SNW1: variants seen among roughly 807,000 people sequenced by gnomAD.
SNW1 encodes SNW domain containing 1.
A neutral mutation model predicts 75.6 loss-of-function variants in SNW1; 9 were observed. The observed-to-expected ratio is 0.12, with a 90% CI of 0.07 to 0.21. The LOEUF is 0.21. Ranked by LOEUF, SNW1 falls within the 10% of genes least tolerant of loss-of-function variation. The pLI, the probability that SNW1 is intolerant of heterozygous loss-of-function variation, is 1.00. For missense variants in SNW1, 409 were observed against 670.9 expected (o/e 0.61, Z 4.31); for synonymous variants, 200 against 219.1 (o/e 0.91, Z 0.77).
chr14:77,736,889 C>T, intron 6 of SNW1, 82 bp downstream of exon 6: 6 of 1,016,910 alleles, frequency 5.9e-6, no homozygotes, highest in Non-Finnish European at 9.3e-6. Flanking sequence ...CTTGTTTTTG[C>T]CTGGCTTCTT....
At position 77,718,483 on chromosome 14, in the gene SNW1, A is replaced by C. The variant is rs1399571841; in HGVS notation, c.1296T>G (p.Val432=). The C allele has an allele frequency of 1.2e-6, 2 of 1,613,826 alleles. No individual in the cohort carries two copies. The highest frequency in any genetic ancestry group is 1.7e-6 in the Non-Finnish European group (2 of 1,179,832). The change falls in exon 13 of 14, where the codon GTT becomes GTG. Residue 432 remains valine (V), a synonymous_variant. Coordinates refer to ENST00000261531, the MANE Select transcript of SNW1 (RefSeq NM_012245.3). ...TACCACCTCTCCAGGCTTGATCATA[A>C]ACATTATAAATTTCATCTTCTCCAC... ...FAGGEDEIYN[V]YDQAWRGGKD...
intron 8 of SNW1, among the ~76,000 whole-genome samples, chr14:77,733,282 G>A (rs1253266942): frequency 2.6e-5 from 4 of 152,098 alleles, no homozygotes; most frequent in South Asian, 2.1e-4. Flanking sequence ...AATAATTGTC[G>A]ATTTTAATAA....
intron 3 of SNW1, among the ~76,000 whole-genome samples, chr14:77,743,128 G>C (rs2080731979): frequency 6.6e-6 from 1 of 151,944 alleles, no homozygotes; most frequent in Non-Finnish European, 1.5e-5. Flanking sequence ...AGGAGGCTGA[G>C]GCAGGAGAAT....
chr14:77,726,682 T>C (rs754292972), intron 10 of SNW1, among the ~76,000 whole-genome samples: 79 of 152,140 alleles, frequency 5.2e-4, no homozygotes, highest in East Asian at 5.8e-4. Context: ...GGCGTGGTGG[T>C]GTGCGCCTGT....
At chr14:77,724,743 C>G (rs941191992) in intron 10 of SNW1, among the ~76,000 whole-genome samples, 2 of 152,170 alleles carry the variant, frequency 1.3e-5, no homozygotes, top group African/African-American at 4.8e-5. Context: ...TTTCTTTATC[C>G]ATTCACCCAC....
At chr14:77,732,455 A>G (rs746161006) in intron 9 of SNW1, 30 bp downstream of exon 9, 1 of 1,160,694 alleles carries the variant, frequency 8.6e-7, no homozygotes, top group East Asian at 2.3e-5. Flanking sequence ...AAAAGTAACA[A>G]GAGCATTAAA....
chr14:77,747,959 G>A (rs1318881792), intron 3 of SNW1, among the ~76,000 whole-genome samples: 1 of 152,236 alleles, frequency 6.6e-6, no homozygotes, highest in Non-Finnish European at 1.5e-5. Flanking sequence ...TGGCGGTTTT[G>A]TCGAATGGAG....
chr14:77,735,221 T>C (rs1393597518), intron 7 of SNW1, among the ~76,000 whole-genome samples: 1 of 152,218 alleles, frequency 6.6e-6, no homozygotes, highest in Non-Finnish European at 1.5e-5. Flanking sequence ...GAAAATAATC[T>C]AGAAATTATT....
At chr14:77,736,394 A>C (rs150637599) in intron 6 of SNW1, among the ~76,000 whole-genome samples, 7,256 of 152,178 alleles carry the variant, frequency 0.048, 293 homozygotes, top group Admixed American at 0.14. Flanking sequence ...CTAAAAATAC[A>C]AAAACTTAGC....
chr14:77,739,930 C>T (rs72687216), intron 3 of SNW1, among the ~76,000 whole-genome samples: 25,481 of 151,628 alleles, frequency 0.17, 2,455 homozygotes, highest in Non-Finnish European at 0.23. Context: ...GTCAGGAGAT[C>T]GAAACCATAC....
chr14:77,738,453 T>C (rs1025787841), intron 5 of SNW1, among the ~76,000 whole-genome samples: 4 of 151,108 alleles, frequency 2.6e-5, no homozygotes, highest in Admixed American at 2.6e-4. Flanking sequence ...TACAAAAAAT[T>C]AAAATATTAG....
At chr14:77,721,613 C>G (rs1443684601) in intron 11 of SNW1, among the ~76,000 whole-genome samples, 1 of 152,198 alleles carries the variant, frequency 6.6e-6, no homozygotes, top group African/African-American at 2.4e-5. Context: ...TTTGCTCCTC[C>G]TTCTACATGT....
intron 1 of SNW1, chr14:77,760,880 C>A: frequency 1.1e-6 from 1 of 881,768 alleles, no homozygotes; most frequent in Non-Finnish European, 1.8e-6. Context: ...TGAGACCACT[C>A]CGCAGCTTTC....
At chr14:77,760,224 C>T (rs542262638) in intron 1 of SNW1, among the ~76,000 whole-genome samples, 2 of 152,162 alleles carry the variant, frequency 1.3e-5, no homozygotes, top group African/African-American at 2.4e-5. Context: ...TTGATTAAAA[C>T]TTTTGGAGTC....
chr14:77,736,698 T>C (rs757496811), intron 6 of SNW1, among the ~76,000 whole-genome samples: 4 of 152,176 alleles, frequency 2.6e-5, no homozygotes, highest in Admixed American at 6.6e-5. Flanking sequence ...ACAAGCAAGA[T>C]AGTGAACATG....
intron 11 of SNW1, chr14:77,722,520 C>T (rs1245850172): frequency 4.4e-6 from 2 of 454,330 alleles, no homozygotes; most frequent in Non-Finnish European, 8.8e-6. Flanking sequence ...GCACATAATC[C>T]ATTTATCTCA....
intron 6 of SNW1, among the ~76,000 whole-genome samples, 154 bp from the exon 7 acceptor site, chr14:77,736,160 T>C (rs1274320487): frequency 6.6e-6 from 1 of 152,150 alleles, no homozygotes; most frequent in Non-Finnish European, 1.5e-5. Context: ...ACTTTGACAA[T>C]GAATAAAACA....
Position 77,751,427 on chromosome 14 carries a change from C to T in SNW1, c.222G>A (p.Leu74=). ...ACATTTTTTTCTTTCGTCCCATATC[C>T]AGTGGATACTGGGCCACATGGATCT... The part of the protein sequence containing the change: ...FPEIHVAQYP[L]DMGRKKKMSN... Residue 74 remains leucine (L), a synonymous_variant, in exon 3 of 14, where the codon CTG becomes CTA. Transcript: ENST00000261531. 1 of 1,613,684 alleles carries T rather than the reference C, an allele frequency of 6.2e-7. No homozygotes were observed. The highest frequency in any genetic ancestry group is 8.5e-7 in the Non-Finnish European group (1 of 1,179,836).
At chr14:77,756,208 T>G (rs1200116732) in intron 1 of SNW1, among the ~76,000 whole-genome samples, 1 of 151,912 alleles carries the variant, frequency 6.6e-6, no homozygotes, top group Non-Finnish European at 1.5e-5. Context: ...GAAACCTCTG[T>G]CGCCTGGATT....
Sources: gnomAD v4.1 joint callset for allele counts (sites outside exome capture counted in the v4.1 genomes callset) on GRCh38, gnomAD v4.1.1 for gene constraint, MANE v1.5 for transcripts, NCBI Gene and HGNC (gene_info 2026-07-23, HGNC 2026-07-21) for gene names.